Variants in DAB1 observed in about 807,000 individuals in gnomAD.
DAB1 encodes disabled homolog 1.
DAB1 carries 15 observed loss-of-function variants against 64.6 expected under a neutral mutation model. That is an observed-to-expected ratio of 0.23 (90% confidence interval 0.16 to 0.36). The LOEUF (loss-of-function observed/expected upper bound fraction) is 0.36. DAB1 is among the 10% of genes least tolerant of loss of function. DAB1 has a pLI of 1.00. For synonymous variants in DAB1, 235 were observed against 251.9 expected, an observed-to-expected ratio of 0.93 and a Z score of 0.64; for missense variants, 596 against 706.7, an observed-to-expected ratio of 0.84 and a Z score of 1.78.
intron 7 of DAB1, among the ~76,000 whole-genome samples, chr1:57,463,760 CTCATTCAT>C (rs145640736): frequency 6.6e-6 from 1 of 152,124 alleles, no homozygotes; most frequent in African/African-American, 2.4e-5. Context: ...TGCTCTTCTG[CTCATTCAT>C]TCATTCATTC....
intron 6 of DAB1, among the ~76,000 whole-genome samples, chr1:57,793,008 G>A (rs1200771712): frequency 2.0e-5 from 3 of 152,158 alleles, no homozygotes; most frequent in Non-Finnish European, 4.4e-5. Context: ...TTTGATAGAC[G>A]AAGAAGCTAA....
intron 4 of DAB1, among the ~76,000 whole-genome samples, chr1:58,196,621 T>C (rs1657691414): frequency 6.6e-6 from 1 of 152,126 alleles, no homozygotes. Context: ...ATAGGAGGCC[T>C]CAGGAAACTT....
At chr1:57,630,326 T>C (rs1003743104) in intron 7 of DAB1, among the ~76,000 whole-genome samples, 7 of 152,186 alleles carry the variant, frequency 4.6e-5, no homozygotes, top group Admixed American at 2.0e-4. Context: ...ATGTCGATTA[T>C]TTTTAAGAAT....
At chr1:57,388,076 T>A (rs166552) in intron 1 of DAB1, among the ~76,000 whole-genome samples, 18,963 of 152,240 alleles carry the variant, frequency 0.12, 1,303 homozygotes, top group African/African-American at 0.17. Flanking sequence ...CCTAATGATG[T>A]CCTTTTTCAC....
intron 5 of DAB1, among the ~76,000 whole-genome samples, chr1:58,131,278 G>A (rs1206339117): frequency 3.6e-5 from 5 of 140,450 alleles, no homozygotes; most frequent in Admixed American, 1.4e-4. Context: ...CATTCTTCAC[G>A]TAGTTCTCGA....
chr1:57,678,009 G>A (rs1044116470), intron 6 of DAB1, among the ~76,000 whole-genome samples: 5 of 152,158 alleles, frequency 3.3e-5, no homozygotes, highest in African/African-American at 1.2e-4. Context: ...TCTGGGTACT[G>A]CTTCTAGAGG....
intron 5 of DAB1, among the ~76,000 whole-genome samples, chr1:58,128,407 A>T (rs1475983011): frequency 7.3e-6 from 1 of 136,316 alleles, no homozygotes; most frequent in African/African-American, 2.9e-5. Context: ...GTCTGCAAAC[A>T]GGGACAATTT....
intron 8 of DAB1, among the ~76,000 whole-genome samples, chr1:57,066,541 G>A (rs561300487): frequency 2.0e-5 from 3 of 152,306 alleles, no homozygotes; most frequent in African/African-American, 7.2e-5. Context: ...TTACTCAAAA[G>A]CCTCTGTATC....
chr1:58,509,331 C>G (rs1234496963), intron 2 of DAB1, among the ~76,000 whole-genome samples: 1 of 150,886 alleles, frequency 6.6e-6, no homozygotes. Context: ...AACAAAGACA[C>G]AGAAAATGTA....
At chr1:57,582,964 C>CTGTATGTTTTCTTTT (rs1645331417) in intron 7 of DAB1, among the ~76,000 whole-genome samples, 1 of 152,124 alleles carries the variant, frequency 6.6e-6, no homozygotes, top group Non-Finnish European at 1.5e-5. Context: ...GATGAAAATC[C>CTGTATGTTTTCTTTT]CTTTTCTTCC....
intron 1 of DAB1, among the ~76,000 whole-genome samples, chr1:57,342,427 T>G (rs184452559): frequency 6.3e-4 from 96 of 152,326 alleles, no homozygotes; most frequent in African/African-American, 2.2e-3. Context: ...CTAGTGCATT[T>G]GCCAAAAGCA....
intron 4 of DAB1, among the ~76,000 whole-genome samples, chr1:57,103,900 C>T (rs1256840508): frequency 6.6e-6 from 1 of 152,048 alleles, no homozygotes; most frequent in African/African-American, 2.4e-5. Context: ...ACAATGACCG[C>T]AGCTGACACA....
intron 14 of DAB1, among the ~76,000 whole-genome samples, chr1:57,008,739 C>T (rs1646172696): frequency 6.6e-6 from 1 of 152,188 alleles, no homozygotes; most frequent in African/African-American, 2.4e-5. Context: ...CAGTGTCTGT[C>T]TCTGCGCTAG....
At chr1:57,440,669 T>C (rs563626958) in intron 7 of DAB1, among the ~76,000 whole-genome samples, 2 of 152,302 alleles carry the variant, frequency 1.3e-5, no homozygotes, top group Admixed American at 6.5e-5. Flanking sequence ...TGCCTTCTTA[T>C]ATTTAGGGTG....
intron 1 of DAB1, among the ~76,000 whole-genome samples, chr1:57,327,367 A>G (rs1454389358): frequency 6.6e-6 from 1 of 152,116 alleles, no homozygotes; most frequent in Non-Finnish European, 1.5e-5. Context: ...ACCAGTCTCT[A>G]CCAGATTTAC....
chr1:58,512,173 G>A (rs1339096915), intron 2 of DAB1, among the ~76,000 whole-genome samples: 2 of 152,014 alleles, frequency 1.3e-5, no homozygotes, highest in Admixed American at 6.6e-5. Flanking sequence ...CTAATCATCA[G>A]GGCAATGCAA....
At chr1:57,609,231 G>A (rs1005989645) in intron 7 of DAB1, among the ~76,000 whole-genome samples, 8 of 152,166 alleles carry the variant, frequency 5.3e-5, no homozygotes, top group South Asian at 2.1e-4. Context: ...AACCAACTGC[G>A]GATCAAAAAT....
chr1:58,398,674 C>T (rs1482240585), intron 3 of DAB1, among the ~76,000 whole-genome samples: 1 of 152,206 alleles, frequency 6.6e-6, no homozygotes, highest in East Asian at 1.9e-4. Flanking sequence ...TTACTCTGCC[C>T]AGGTTGCAGA....
chr1:57,309,479 T>G (rs184493011), intron 1 of DAB1, among the ~76,000 whole-genome samples: 1 of 152,356 alleles, frequency 6.6e-6, no homozygotes, highest in Admixed American at 6.5e-5. Flanking sequence ...TGATAAGACT[T>G]CTGCCCACAC....
Sources: allele counts gnomAD v4.1 joint callset (sites outside exome capture counted in the v4.1 genomes callset), GRCh38; gene constraint gnomAD v4.1.1; transcripts MANE v1.5; gene names NCBI Gene and HGNC (gene_info 2026-07-23, HGNC 2026-07-21).